The following MTSS1 variants were observed in gnomAD, a reference collection of about 807,000 sequenced individuals.
The protein encoded by MTSS1 is MTSS I-BAR domain containing 1.
A neutral mutation model predicts 79.0 loss-of-function variants in MTSS1; 18 were observed. The observed-to-expected ratio is 0.23, with a 90% CI of 0.16 to 0.34. The LOEUF is 0.34. MTSS1 is among the 10% of genes least tolerant of loss of function. MTSS1 has a pLI of 1.00. For missense variants in MTSS1, 815 were observed against 986.2 expected (o/e 0.83, Z 2.33); for synonymous variants, 341 against 368.6 (o/e 0.93, Z 0.86).
intron 3 of MTSS1, chr8:124,673,361 T>A (rs1359848638): frequency 6.2e-5 from 9 of 146,318 alleles, no homozygotes; most frequent in African/African-American, 2.0e-4. Context: ...CCAGCCTGGG[T>A]GACAGAGCAA....
At chr8:124,639,620 G>A (rs946946646) in intron 3 of MTSS1, among the ~76,000 whole-genome samples, 1 of 151,924 alleles carries the variant, frequency 6.6e-6, no homozygotes, top group Admixed American at 6.6e-5. Flanking sequence ...GTGCCACCAT[G>A]CCCAGCTAAT....
At chr8:124,668,025 C>T (rs570219148) in intron 3 of MTSS1, among the ~76,000 whole-genome samples, 1 of 151,558 alleles carries the variant, frequency 6.6e-6, no homozygotes, top group South Asian at 2.1e-4. Context: ...AGGGTCAAGG[C>T]TGCAGTGAGC....
At chr8:124,606,333 G>C (rs11779003) in intron 3 of MTSS1, among the ~76,000 whole-genome samples, 1 of 151,970 alleles carries the variant, frequency 6.6e-6, no homozygotes, top group East Asian at 1.9e-4. Flanking sequence ...ATTTTTAGTA[G>C]AGACGGGGTT....
At chr8:124,643,445 C>A (rs961715754) in intron 3 of MTSS1, among the ~76,000 whole-genome samples, 5 of 152,060 alleles carry the variant, frequency 3.3e-5, no homozygotes, top group African/African-American at 1.2e-4. Flanking sequence ...TGCCTGTAAT[C>A]CCAGCACTTT....
At chr8:124,699,659 A>C in intron 2 of MTSS1, 60 bp from the exon 3 acceptor site, 1 of 1,478,504 alleles carries the variant, frequency 6.8e-7, no homozygotes, top group South Asian at 1.1e-5. Context: ...AATTCATTAC[A>C]GCTCAAGGCC....
chr8:124,589,134 G>A (rs751665177), intron 5 of MTSS1, among the ~76,000 whole-genome samples: 1 of 151,088 alleles, frequency 6.6e-6, no homozygotes, highest in Non-Finnish European at 1.5e-5. Flanking sequence ...GGGTTCAAGC[G>A]ATTTTTGTGT....
intron 3 of MTSS1, among the ~76,000 whole-genome samples, chr8:124,595,761 T>C (rs2132815428): frequency 6.6e-6 from 1 of 152,108 alleles, no homozygotes; most frequent in East Asian, 1.9e-4. Context: ...ATCCTTATCA[T>C]GGCCATTAAA....
chr8:124,685,211 A>G (rs1335635660), intron 3 of MTSS1, among the ~76,000 whole-genome samples: 1 of 152,260 alleles, frequency 6.6e-6, no homozygotes, highest in Non-Finnish European at 1.5e-5. Context: ...ACGGTAATGA[A>G]AATGTTTTGG....
chr8:124,676,914 A>G (rs1472854452), intron 3 of MTSS1, among the ~76,000 whole-genome samples: 1 of 152,206 alleles, frequency 6.6e-6, no homozygotes. Flanking sequence ...GTCATGTCCA[A>G]TACTCGTCAT....
chr8:124,567,824 T>C (rs1420234057), intron 7 of MTSS1: 1 of 1,512,834 alleles, frequency 6.6e-7, no homozygotes, highest in Non-Finnish European at 8.8e-7. Context: ...GGAAATGAGC[T>C]GGTACCTTCG....
chr8:124,672,736 G>A (rs1340866238), intron 3 of MTSS1, among the ~76,000 whole-genome samples: 1 of 152,134 alleles, frequency 6.6e-6, no homozygotes. Context: ...GTTGAGCCAG[G>A]AAAGGCAAGG....
intron 3 of MTSS1, among the ~76,000 whole-genome samples, chr8:124,593,792 GGC>G (rs772762961): frequency 5.3e-5 from 8 of 152,204 alleles, no homozygotes; most frequent in Non-Finnish European, 7.3e-5. Context: ...CTCAAACCTA[GGC>G]TTAAGCTCCA....
intron 3 of MTSS1, among the ~76,000 whole-genome samples, chr8:124,614,397 C>T (rs1836454498): frequency 6.6e-6 from 1 of 152,214 alleles, no homozygotes; most frequent in Admixed American, 6.5e-5. Flanking sequence ...CCATTTCCCT[C>T]TCCTTTCTAA....
intron 3 of MTSS1, among the ~76,000 whole-genome samples, chr8:124,653,672 C>T (rs970230070): frequency 2.0e-5 from 3 of 152,192 alleles, no homozygotes; most frequent in South Asian, 2.1e-4. Context: ...TGCAGTGAGC[C>T]GAGATCGCGC....
At chr8:124,716,077 A>AGG (rs1241096032) in intron 1 of MTSS1, among the ~76,000 whole-genome samples, 3 of 152,174 alleles carry the variant, frequency 2.0e-5, no homozygotes, top group Non-Finnish European at 4.4e-5. Flanking sequence ...GCACTGAGTG[A>AGG]GGGGTGGGCC....
intron 3 of MTSS1, among the ~76,000 whole-genome samples, chr8:124,648,146 T>C (rs1450731261): frequency 6.6e-6 from 1 of 152,168 alleles, no homozygotes; most frequent in East Asian, 1.9e-4. Flanking sequence ...CAAAGCCTTT[T>C]ATTAACAGAG....
chr8:124,568,567 G>A, intron 6 of MTSS1, 31 bp from the exon 7 acceptor site: 1 of 1,614,044 alleles, frequency 6.2e-7, no homozygotes, highest in South Asian at 1.1e-5. Context: ...AGCACGGCTT[G>A]CTGAAATACC....
chr8:124,618,429 T>C (rs1563871131), intron 3 of MTSS1, among the ~76,000 whole-genome samples: 1 of 152,224 alleles, frequency 6.6e-6, no homozygotes, highest in Non-Finnish European at 1.5e-5. Flanking sequence ...ACAAGACAGA[T>C]TCCCAAAGAT....
chr8:124,629,755 G>A (rs4313140), intron 3 of MTSS1, among the ~76,000 whole-genome samples: 4,263 of 152,186 alleles, frequency 0.028, 173 homozygotes, highest in African/African-American at 0.097. Context: ...CCTGCCTGAG[G>A]GGAGGGTTCT....
Sources: allele counts gnomAD v4.1 joint callset (sites outside exome capture counted in the v4.1 genomes callset), GRCh38; gene constraint gnomAD v4.1.1; transcripts MANE v1.5; gene names NCBI Gene and HGNC (gene_info 2026-07-23, HGNC 2026-07-21).